WDR64: variants seen among roughly 807,000 people sequenced by gnomAD.
WDR64 encodes WD repeat domain 64, also known as WD repeat-containing protein 64.
In WDR64, 112 loss-of-function variants were observed where a neutral mutation model predicts 139.3. The observed-to-expected ratio is 0.80, with a 90% CI of 0.69 to 0.94. The LOEUF is 0.94. Among genes scored for constraint, WDR64 ranks in the 40% least tolerant of loss-of-function variants. The pLI is 0.00. For synonymous variants in WDR64, 444 were observed against 437.7 expected, an observed-to-expected ratio of 1.01 and a Z score of -0.18; for missense variants, 1,206 against 1,293.1, an observed-to-expected ratio of 0.93 and a Z score of 1.03.
At chr1:241,735,637 C>T (rs892168755) in intron 10 of WDR64, among the ~76,000 whole-genome samples, 2 of 148,472 alleles carry the variant, frequency 1.3e-5, no homozygotes, top group Non-Finnish European at 3.0e-5. Context: ...TGGGTTCAAG[C>T]GATTCTCCTG....
chr1:241,771,240 CCAGA>C (rs1658413868), intron 18 of WDR64, among the ~76,000 whole-genome samples: 1 of 152,184 alleles, frequency 6.6e-6, no homozygotes, highest in South Asian at 2.1e-4. Flanking sequence ...GAAGCAAAAG[CCAGA>C]CAGATTGTAC....
chr1:241,652,312 T>A lies in WDR64; in HGVS notation c.-173T>A, dbSNP rs1172847427. ...AAATCAGCTTTCCTCCCTGCTAACA[T>A]CCTAGTGGCAACTCTTACTCCTACC... On this transcript the variant is annotated 5_prime_UTR_variant, in exon 1 of 28. Coordinates refer to ENST00000437684, the MANE Select transcript of WDR64 (RefSeq NM_001367482.1). The A allele has an allele frequency of 3.3e-6, 2 of 606,012 alleles. No homozygotes were observed. Among genetic ancestry groups the A allele is most frequent in the Non-Finnish European group, 5.7e-6 (2 of 353,418 alleles). 37.5% of individuals were successfully genotyped at this position (606,012 alleles called of 1,614,324 possible). A position where few individuals can be genotyped will look rare whatever the true frequency, so the allele number is the denominator to read the frequency against.
At position 241,790,703 on chromosome 1, in the gene WDR64, TAAAA is replaced by T. The variant is rs35435449; in HGVS notation, c.2997+22_2997+25del. 1,304 of 1,280,780 alleles carry T rather than the reference TAAAA, an allele frequency of 1.0e-3. No homozygotes were observed. Among genetic ancestry groups the T allele is most frequent in the South Asian group, 1.9e-3 (136 of 69,874 alleles). 79.3% of individuals were successfully genotyped at this position (1,280,780 alleles called of 1,614,324 possible). A position where few individuals can be genotyped will look rare whatever the true frequency, so the allele number is the denominator to read the frequency against. ...GTCTCTTTCTTCTCCTAAGGTAGCT[TAAAA>T]AAAAAAAAAAAAAAGAAATGGCAAC... On this transcript the variant is annotated splice_region_variant and intron_variant, in intron 25 of 27. Transcript: ENST00000437684.
chr1:241,738,362 G>T lies in WDR64; in HGVS notation c.1195-1G>T, dbSNP rs1412713705. The T allele has an allele frequency of 3.7e-6, 6 of 1,611,756 alleles. No homozygotes were observed. In the African/African-American group the frequency reaches 8.0e-5, roughly 22 times the overall value. On this transcript the variant is annotated splice_acceptor_variant, in intron 10 of 27. Coordinates refer to ENST00000437684, the MANE Select transcript of WDR64 (RefSeq NM_001367482.1). LOFTEE classifies it high-confidence loss of function. ...GTAAACTGTGTTTGTTATTCTTCCA[G>T]GTTTTCCGGGTGTGGGATATACAAA...
chr1:241,796,455 C>A, intron 27 of WDR64, 85 bp downstream of exon 27: 2 of 880,148 alleles, frequency 2.3e-6, no homozygotes, highest in Non-Finnish European at 3.5e-6. Flanking sequence ...TCTCTGCTTT[C>A]AGAAACATTC....
chr1:241,773,102 C>T (rs370126171), intron 20 of WDR64, among the ~76,000 whole-genome samples, 171 bp downstream of exon 20: 12 of 152,306 alleles, frequency 7.9e-5, no homozygotes, highest in African/African-American at 2.6e-4. Context: ...CCAAACTTTA[C>T]GAGAGAAGGG....
chr1:241,669,311 G>A (rs1189809172), intron 2 of WDR64, among the ~76,000 whole-genome samples: 1 of 152,166 alleles, frequency 6.6e-6, no homozygotes, highest in Non-Finnish European at 1.5e-5. Flanking sequence ...TTGTGGGTTC[G>A]AATGATATAG....
intron 8 of WDR64, among the ~76,000 whole-genome samples, chr1:241,702,305 C>T (rs139803948): frequency 6.6e-6 from 1 of 152,276 alleles, no homozygotes; most frequent in Non-Finnish European, 1.5e-5. Context: ...TCCTAGCACT[C>T]ACTAACCCTG....
chr1:241,751,945 C>G (rs1271633755), intron 14 of WDR64, among the ~76,000 whole-genome samples: 1 of 152,112 alleles, frequency 6.6e-6, no homozygotes, highest in Non-Finnish European at 1.5e-5. Flanking sequence ...CCATTGTTGA[C>G]AAAACCATAG....
chr1:241,696,655 G>A (rs115397961), intron 8 of WDR64, among the ~76,000 whole-genome samples: 1,581 of 152,156 alleles, frequency 0.01, 25 homozygotes, highest in African/African-American at 0.036. Context: ...TTTGCAAACC[G>A]TCATGGCACT....
In WDR64 at chr1:241,772,792, G is replaced by A; in HGVS notation, c.2291G>A (p.Gly764Asp). Residue 764 changes from glycine to aspartate, a missense_variant and splice_region_variant, in exon 20 of 28, where the codon GGT becomes GAT. Physicochemically the swap from Gly to Asp is moderately conservative, Grantham distance 94 (BLOSUM62 -1). Coordinates refer to ENST00000437684, the MANE Select transcript of WDR64 (RefSeq NM_001367482.1). ...KQSIHDSEVK[G>D]EQTDVMVGKQ... The stretch of plus-strand genomic sequence containing the variant: ...GATAGTTCATTAATTTCTCGAATAG[G>A]TGAACAAACAGATGTAATGGTGGGA... The A allele has an allele frequency of 6.4e-7, 1 of 1,551,654 alleles. No individual in the cohort carries two copies. Among genetic ancestry groups the A allele is most frequent in the Non-Finnish European group, 8.7e-7 (1 of 1,146,946 alleles).
intron 2 of WDR64, among the ~76,000 whole-genome samples, chr1:241,670,121 T>G (rs1055140535): frequency 3.9e-5 from 6 of 152,334 alleles, no homozygotes; most frequent in African/African-American, 1.4e-4. Flanking sequence ...TTATAAGAAT[T>G]TTATTTCTGT....
intron 10 of WDR64, among the ~76,000 whole-genome samples, chr1:241,733,504 G>A (rs1161160830): frequency 6.6e-6 from 1 of 151,774 alleles, no homozygotes; most frequent in East Asian, 1.9e-4. Context: ...GAGAAGAGAA[G>A]AGAATCATCA....
At chr1:241,732,834 A>G (rs552733023) in intron 10 of WDR64, among the ~76,000 whole-genome samples, 1 of 151,384 alleles carries the variant, frequency 6.6e-6, no homozygotes, top group South Asian at 2.1e-4. Flanking sequence ...AAAAACCAAA[A>G]AAACAAAAAA....
intron 16 of WDR64, among the ~76,000 whole-genome samples, chr1:241,768,204 C>A (rs1466957545): frequency 6.6e-6 from 1 of 152,136 alleles, no homozygotes; most frequent in Non-Finnish European, 1.5e-5. Flanking sequence ...GGAAAACAAC[C>A]AAGTATAGTG....
At chr1:241,658,284 G>GGTGC (rs1553360019) in intron 1 of WDR64, among the ~76,000 whole-genome samples, 2 of 147,164 alleles carry the variant, frequency 1.4e-5, no homozygotes, top group African/African-American at 5.0e-5. Flanking sequence ...TTCAAGCAAT[G>GGTGC]GTGTGTGTGT....
intron 8 of WDR64, among the ~76,000 whole-genome samples, chr1:241,699,605 G>A (rs1317865068): frequency 1.3e-5 from 2 of 152,244 alleles, no homozygotes; most frequent in East Asian, 3.9e-4. Flanking sequence ...AACTGAGGAA[G>A]GCTTCCTGAA....
intron 8 of WDR64, among the ~76,000 whole-genome samples, chr1:241,702,412 C>G (rs1667751446): frequency 6.6e-6 from 1 of 151,924 alleles, no homozygotes; most frequent in African/African-American, 2.4e-5. Flanking sequence ...ATAAAAATTA[C>G]TTAAGTTAAC....
intron 13 of WDR64, 41 bp downstream of exon 13, chr1:241,744,557 T>A (rs1669679730): frequency 6.8e-6 from 11 of 1,607,640 alleles, no homozygotes; most frequent in Non-Finnish European, 9.3e-6. Flanking sequence ...TGCTTTAGTG[T>A]CCTGAGAATT....
Sources: gnomAD v4.1 joint callset for allele counts (sites outside exome capture counted in the v4.1 genomes callset) on GRCh38, gnomAD v4.1.1 for gene constraint, MANE v1.5 for transcripts, NCBI Gene and HGNC (gene_info 2026-07-23, HGNC 2026-07-21) for gene names.